DMD: variants seen among roughly 807,000 people sequenced by gnomAD.
DMD encodes mutant dystrophin.
In DMD, 63 loss-of-function variants were observed where a neutral mutation model predicts 330.1. That is an observed-to-expected ratio of 0.19 (90% CI 0.16 to 0.24). The LOEUF (loss-of-function observed/expected upper bound fraction) is 0.24, where lower values mean the gene tolerates loss of function less well. Ranked by LOEUF, DMD falls within the 10% of genes least tolerant of loss-of-function variation. DMD has a pLI of 1.00. For synonymous variants in DMD, 1,223 were observed against 959.8 expected (o/e 1.27, Z -5.07); for missense variants, 3,344 against 2,684.1 (o/e 1.25, Z -5.43).
intron 9 of DMD, among the ~76,000 whole-genome samples, chrX:32,672,976 C>G (rs934716190): frequency 9.0e-6 from 1 of 111,115 alleles, no homozygotes; most frequent in Non-Finnish European, 1.9e-5. Context: ...TACAAGAAAT[C>G]TTTAATGGAA....
chrX:33,327,968 A>C (rs2054113454), intron 1 of DMD, among the ~76,000 whole-genome samples: 1 of 112,036 alleles, frequency 8.9e-6, no homozygotes, highest in Admixed American at 9.5e-5. Context: ...ATGTACTAGT[A>C]ATTATGTTTT....
intron 1 of DMD, among the ~76,000 whole-genome samples, chrX:33,150,051 AAG>A (rs2048204042): frequency 9.0e-6 from 1 of 111,587 alleles, no homozygotes; most frequent in Non-Finnish European, 1.9e-5. Flanking sequence ...CTATAAAATA[AAG>A]AGATGCGTTC....
intron 23 of DMD, among the ~76,000 whole-genome samples, chrX:32,467,649 T>TATAC (rs1411191353): frequency 2.1e-5 from 2 of 95,950 alleles, no homozygotes; most frequent in South Asian, 4.7e-4. Context: ...TATATATATA[T>TATAC]ACACACATAT....
intron 2 of DMD, among the ~76,000 whole-genome samples, chrX:32,886,419 C>T (rs1414988522): frequency 9.0e-6 from 1 of 110,906 alleles, no homozygotes; most frequent in East Asian, 2.8e-4. Flanking sequence ...CACGGTGGCT[C>T]AAGCCTGTAA....
intron 59 of DMD, among the ~76,000 whole-genome samples, chrX:31,471,140 C>T (rs2067265290): frequency 9.0e-6 from 1 of 110,853 alleles, no homozygotes; most frequent in Non-Finnish European, 1.9e-5. Context: ...GACTTCAGTC[C>T]CCTTTCCAGG....
chrX:31,562,147 A>C (rs1224097375), intron 55 of DMD, among the ~76,000 whole-genome samples: 2 of 112,454 alleles, frequency 1.8e-5, no homozygotes, highest in East Asian at 5.5e-4. Flanking sequence ...CACAGCTCTA[A>C]CTAGACTAAA....
chrX:31,128,177 ATCTT>A (rs2033988105), intron 77 of DMD, among the ~76,000 whole-genome samples: 3 of 111,650 alleles, frequency 2.7e-5, no homozygotes, highest in South Asian at 3.8e-4. Flanking sequence ...TTAAAAAAGT[ATCTT>A]TATGTTTCAT....
At position 32,386,748 on chromosome X, in the gene DMD, C is replaced by A. The variant is rs142175676; in HGVS notation, c.4519-283G>T. Among the ~76,000 whole-genome samples, 414 of 109,489 alleles carry A rather than the reference C, an allele frequency of 3.8e-3. 11 individuals are homozygous for A. In the East Asian group the frequency reaches 0.065, roughly 17 times the overall value. On this transcript the variant is annotated intron_variant, in intron 32 of 78. Coordinates refer to ENST00000357033, the MANE Select transcript of DMD (RefSeq NM_004006.3). ...TTTTGTGATATATATATATTTAGTTCTTCAATCAAAGAACATAAATGTCAA... is the reference window on the plus strand; with the variant it reads ...TTTTGTGATATATATATATTTAGTTATTCAATCAAAGAACATAAATGTCAA...
At position 32,501,745 on chromosome X, in the gene DMD, G is replaced by T; in HGVS notation, c.2380+10C>A. The T allele has an allele frequency of 8.5e-7, 1 of 1,180,779 alleles. No homozygotes were observed. Among genetic ancestry groups the T allele is most frequent in the Non-Finnish European group, 1.2e-6 (1 of 868,573 alleles). On this transcript the variant is annotated intron_variant, in intron 19 of 78. Coordinates refer to ENST00000357033, the MANE Select transcript of DMD (RefSeq NM_004006.3). ...CTAAGAAGATTATCTAAATCAACTC[G>T]TGTAATTACCATTCACCATCTGTTC... is the stretch of plus-strand genomic sequence containing the variant.
intron 49 of DMD, among the ~76,000 whole-genome samples, chrX:31,831,767 TTTG>T (rs1383075092): frequency 1.8e-5 from 2 of 110,543 alleles, no homozygotes; most frequent in Admixed American, 9.6e-5. Flanking sequence ...CCCGGCTAAT[TTTG>T]TTTTTGTATT....
At chrX:31,213,540 G>T (rs2044991878) in intron 64 of DMD, among the ~76,000 whole-genome samples, 1 of 111,941 alleles carries the variant, frequency 8.9e-6, no homozygotes, top group African/African-American at 3.3e-5. Context: ...AAAATGCATC[G>T]TGGTGTGGCT....
chrX:31,159,091 A>T (rs114568295), intron 74 of DMD, among the ~76,000 whole-genome samples: 1,232 of 112,005 alleles, frequency 0.011, 16 homozygotes, highest in African/African-American at 0.037. Flanking sequence ...TCCAAAGGAT[A>T]TTTACCCATT....
At chrX:31,746,720 T>C (rs1193259259) in intron 51 of DMD, among the ~76,000 whole-genome samples, 1 of 111,078 alleles carries the variant, frequency 9.0e-6, no homozygotes, top group Admixed American at 9.6e-5. Context: ...TAAACAATGC[T>C]ATATTAATGG....
At chrX:32,196,942 C>T (rs1275505610) in intron 44 of DMD, among the ~76,000 whole-genome samples, 1 of 89,909 alleles carries the variant, frequency 1.1e-5, no homozygotes, top group Non-Finnish European at 2.1e-5. Flanking sequence ...GCCAAGATCG[C>T]GCCACTGTAC....
At chrX:31,914,825 G>A (rs1324862902) in intron 47 of DMD, among the ~76,000 whole-genome samples, 1 of 112,126 alleles carries the variant, frequency 8.9e-6, no homozygotes, top group Non-Finnish European at 1.9e-5. Flanking sequence ...GTATTCGATA[G>A]CACAACAGGG....
At chrX:31,813,298 A>C (rs920836675) in intron 50 of DMD, among the ~76,000 whole-genome samples, 1 of 111,900 alleles carries the variant, frequency 8.9e-6, no homozygotes, top group Non-Finnish European at 1.9e-5. Context: ...TGGGATATTT[A>C]TTGATATGGT....
At chrX:32,270,244 A>T (rs1008785464) in intron 43 of DMD, among the ~76,000 whole-genome samples, 3 of 112,255 alleles carry the variant, frequency 2.7e-5, no homozygotes, top group Non-Finnish European at 5.6e-5. Context: ...TTGTTTCAGT[A>T]TTCTATTTTT....
At chrX:31,647,214 G>A (rs2080156022) in intron 54 of DMD, among the ~76,000 whole-genome samples, 1 of 111,776 alleles carries the variant, frequency 8.9e-6, no homozygotes, top group African/African-American at 3.3e-5. Flanking sequence ...ACAGAGCTGA[G>A]ATTAGATTAC....
intron 43 of DMD, among the ~76,000 whole-genome samples, chrX:32,232,029 C>T (rs1378388380): frequency 9.2e-6 from 1 of 108,793 alleles, no homozygotes; most frequent in Admixed American, 9.6e-5. Flanking sequence ...TTTAGATGTT[C>T]CAAGTGGCAT....
Sources: allele counts gnomAD v4.1 joint callset (sites outside exome capture counted in the v4.1 genomes callset), GRCh38; gene constraint gnomAD v4.1.1; transcripts MANE v1.5; gene names NCBI Gene and HGNC (gene_info 2026-07-23, HGNC 2026-07-21).